Variants in CYP2A13 observed in about 807,000 individuals in gnomAD.
CYP2A13 encodes the protein cytochrome P450 2A13.
A neutral mutation model predicts 39.4 loss-of-function variants in CYP2A13; 30 were observed. The observed-to-expected ratio is 0.76, with a 90% CI of 0.57 to 1.03. CYP2A13 has a LOEUF of 1.03. CYP2A13 is among the 50% of genes least tolerant of loss of function. The probability of loss-of-function intolerance (pLI) is 0.00; values close to 1 mark genes in which losing one functional copy is unlikely to be tolerated. For missense variants in CYP2A13, 731 were observed against 648.4 expected (o/e 1.13, Z -1.38); for synonymous variants, 269 against 254.7 (o/e 1.06, Z -0.54).
At chr19:41,090,798 C>A (rs2031173183) in intron 4 of CYP2A13, among the ~76,000 whole-genome samples, 1 of 152,190 alleles carries the variant, frequency 6.6e-6, no homozygotes, top group Non-Finnish European at 1.5e-5. Context: ...AGCCTGCTGG[C>A]AGGATGCATA....
At chr19:41,094,911 A>C (rs745777033) in intron 7 of CYP2A13, 48 bp from the exon 8 acceptor site, 1 of 1,606,882 alleles carries the variant, frequency 6.2e-7, no homozygotes, top group East Asian at 2.2e-5. Flanking sequence ...TACTTTCACC[A>C]ATCCCCCCAA....
rs759776499 is a variant in CYP2A13, at chr19:41,088,613, CA to C, written c.143del (p.Gln48ArgfsTer2). On this transcript the variant is annotated frameshift_variant, in exon 1 of 9. Coordinates refer to ENST00000330436, the MANE Select transcript of CYP2A13 (RefSeq NM_000766.5). LOFTEE classifies it high-confidence loss of function. ...TPLPFIGNYL[Q>X]LNTEQMYNSL... ...ATTGCCCTTCATTGGAAACTACCTG[CA>C]GCTGAACACAGAGCAGATGTACAAC... The C allele has an allele frequency of 5.6e-6, 9 of 1,613,930 alleles. No homozygotes were observed. In the South Asian group the frequency reaches 9.9e-5, roughly 18 times the overall value.
At chr19:41,092,991 A>G (rs950379427) in intron 5 of CYP2A13, among the ~76,000 whole-genome samples, 23 of 152,072 alleles carry the variant, frequency 1.5e-4, no homozygotes, top group Admixed American at 5.9e-4. Flanking sequence ...TCTCTTTCCA[A>G]ATATTCCTAT....
At chr19:41,094,917 C>T (rs760604007) in intron 7 of CYP2A13, 42 bp from the exon 8 acceptor site, 2 of 1,610,652 alleles carry the variant, frequency 1.2e-6, no homozygotes, top group Non-Finnish European at 1.7e-6. Flanking sequence ...CACCAATCCC[C>T]CCAACCTGCC....
chr19:41,090,472 G>C lies in CYP2A13; in HGVS notation c.562G>C (p.Gly188Arg), dbSNP rs2031164414. 1 of 1,613,988 alleles carries C rather than the reference G, an allele frequency of 6.2e-7. No individual in the cohort carries two copies. Among genetic ancestry groups the C allele is most frequent in the Non-Finnish European group, 8.5e-7 (1 of 1,180,026 alleles). Residue 188 changes from glycine (G) to arginine (R), a missense_variant, in exon 4 of 9, where the codon GGG becomes CGG. Physicochemically the swap from Gly to Arg is moderately radical, Grantham distance 125. Transcript: ENST00000330436. ...VSNVISSIVFGDRFDYEDKEF... is the reference protein window; with the variant it reads ...VSNVISSIVFRDRFDYEDKEF... The stretch of plus-strand genomic sequence containing the variant: ...CAATGTCATCAGCTCCATTGTCTTT[G>C]GGGACCGCTTTGACTATGAGGACAA...
rs770921002 is a variant in CYP2A13 at position 41,088,575 on chromosome 19, CG to C, written c.107del (p.Gly36AspfsTer14). On this transcript the variant is annotated frameshift_variant, in exon 1 of 9. Coordinates refer to ENST00000330436, the MANE Select transcript of CYP2A13 (RefSeq NM_000766.5). LOFTEE classifies it high-confidence loss of function. ...AGGAAGAGCAGGGGGAAGCTGCCTC[CG>C]GGACCCACCCCATTGCCCTTCATTG... The part of the protein sequence containing the change: ...RQRKSRGKLP[P>X]GPTPLPFIGN... The C allele has an allele frequency of 1.2e-6, 2 of 1,613,880 alleles. No homozygotes were observed. The highest frequency in any genetic ancestry group is 2.7e-5 in the African/African-American group (2 of 74,898).
rs1456198474 is a variant in CYP2A13, at chr19:41,092,052, T to C, written c.831+144T>C. 6.9e-6 allele frequency: 9 copies of C among 1,303,980 alleles called. No homozygotes were observed. In the Admixed American group the frequency reaches 2.3e-4, roughly 34 times the overall value. 80.8% of individuals were successfully genotyped at this position (1,303,980 alleles called of 1,614,324 possible). A position where few individuals can be genotyped will look rare whatever the true frequency, so the allele number is the denominator to read the frequency against. On this transcript the variant is annotated intron_variant, in intron 5 of 8. Coordinates refer to ENST00000330436, the MANE Select transcript of CYP2A13 (RefSeq NM_000766.5). ...ACAATTGGCCAGGCGCGGTGGCTCA[T>C]GACCTGTAATCCCAGCACTTTGGGA...
rs151080412 is a variant in CYP2A13 at position 41,090,490 on chromosome 19, G to A, written c.580G>A (p.Glu194Lys). Residue 194 changes from glutamate (E) to lysine (K), a missense_variant, in exon 4 of 9, where the codon GAG (glutamate) becomes AAG (lysine). Transcript: ENST00000330436. Reference protein sequence around the residue: ...SIVFGDRFDYEDKEFLSLLRM... With the variant: ...SIVFGDRFDYKDKEFLSLLRM... ...TGTCTTTGGGGACCGCTTTGACTATGAGGACAAAGAGTTCCTGTCACTGTT... is the reference window on the plus strand; with the variant it reads ...TGTCTTTGGGGACCGCTTTGACTATAAGGACAAAGAGTTCCTGTCACTGTT... The A allele has an allele frequency of 2.1e-3, 3,430 of 1,614,148 alleles. 8 individuals carry two copies. Among genetic ancestry groups the A allele is most frequent in the Middle Eastern group, 2.6e-3 (16 of 6,060 alleles).
At chr19:41,092,931 T>G (rs2031222573) in intron 5 of CYP2A13, among the ~76,000 whole-genome samples, 2 of 152,182 alleles carry the variant, frequency 1.3e-5, no homozygotes, top group South Asian at 4.1e-4. Context: ...TTTTTCTGAC[T>G]CTTCATCTTG....
At chr19:41,088,758 G>A (rs2031097497) in intron 1 of CYP2A13, 107 bp downstream of exon 1, 6 of 1,539,842 alleles carry the variant, frequency 3.9e-6, no homozygotes, top group Non-Finnish European at 5.3e-6. Flanking sequence ...AGGAAAGGGA[G>A]TCTTGGAGTT....
chr19:41,089,177 A>T (rs1201379791), intron 2 of CYP2A13, 86 bp downstream of exon 2: 8 of 1,580,106 alleles, frequency 5.1e-6, no homozygotes, highest in Non-Finnish European at 6.9e-6. Context: ...TCTCCTGCCC[A>T]CTGGAGGCTA....
At chr19:41,094,141 G>A (rs1185980941) in intron 6 of CYP2A13, 104 bp from the exon 7 acceptor site, 12 of 1,508,838 alleles carry the variant, frequency 8.0e-6, no homozygotes, top group South Asian at 2.6e-5. Flanking sequence ...GTCTACCTCC[G>A]TGTCATAGGT....
rs371228512 is a variant in CYP2A13 at position 41,095,752 on chromosome 19, C to G, written c.1304-8C>G. The G allele has an allele frequency of 6.2e-7, 1 of 1,613,850 alleles. No homozygotes were observed. The highest frequency in any genetic ancestry group is 1.7e-5 in the Admixed American group (1 of 59,996). On this transcript the variant is annotated splice_region_variant and splice_polypyrimidine_tract_variant and intron_variant, in intron 8 of 8. Transcript: ENST00000330436. ...TTCACCTTCACCCCTCCTGCCTCTC[C>G]TCCTCAGGAAAGCGGTACTGTTTTG...
intron 3 of CYP2A13, 21 bp from the exon 4 acceptor site, chr19:41,090,383 C>T (rs2031161144): frequency 6.2e-7 from 1 of 1,613,828 alleles, no homozygotes; most frequent in Middle Eastern, 1.7e-4. Flanking sequence ...CCCCAACCCC[C>T]TTCTCCCGCC....
chr19:41,094,857 C>G, intron 7 of CYP2A13, 102 bp from the exon 8 acceptor site: 1 of 1,371,616 alleles, frequency 7.3e-7, no homozygotes, highest in Non-Finnish European at 1.0e-6. Context: ...ATGCCTGCCA[C>G]TCCCCTCACC....
chr19:41,095,872 C>T lies in CYP2A13; in HGVS notation c.1416C>T (p.Asp472=), dbSNP rs1048719667. ...FKSPQSPKDI[D]VSPKHVGFAT... ...CCCCTCAGTCGCCTAAGGATATCGA[C>T]GTGTCCCCCAAACACGTGGGCTTTG... Residue 472 remains aspartate, a synonymous_variant, in exon 9 of 9, where the codon GAC becomes GAT. Transcript: ENST00000330436. 3.1e-6 allele frequency: 5 copies of T among 1,613,860 alleles called. No individual in the cohort carries two copies. In the African/African-American group the frequency reaches 6.7e-5, roughly 22 times the overall value.
chr19:41,092,041 G>A (rs979994757), intron 5 of CYP2A13, 133 bp downstream of exon 5: 16 of 1,377,526 alleles, frequency 1.2e-5, no homozygotes, highest in South Asian at 4.4e-5. Flanking sequence ...TTGGCCAGGC[G>A]CGGTGGCTCA....
chr19:41,089,973 A>T, intron 2 of CYP2A13, 74 bp from the exon 3 acceptor site: 1 of 1,482,304 alleles, frequency 6.7e-7, no homozygotes, highest in East Asian at 2.5e-5. Flanking sequence ...ACCCTTGGGG[A>T]GCCCCTTGGA....
At chr19:41,089,997 T>C (rs1351783240) in intron 2 of CYP2A13, 50 bp from the exon 3 acceptor site, 1 of 1,551,638 alleles carries the variant, frequency 6.4e-7, no homozygotes, top group South Asian at 1.2e-5. Context: ...GGTCCGCTCC[T>C]GCTCCCGCCG....
Sources: gnomAD v4.1 joint callset for allele counts (sites outside exome capture counted in the v4.1 genomes callset) on GRCh38, gnomAD v4.1.1 for gene constraint, MANE v1.5 for transcripts, NCBI Gene and HGNC (gene_info 2026-07-23, HGNC 2026-07-21) for gene names.